Variants in CIITA observed in about 807,000 individuals in gnomAD.
The protein encoded by CIITA is class II major histocompatibility complex transactivator, also known as MHC class II transactivator.
A neutral mutation model predicts 115.1 loss-of-function variants in CIITA; 72 were observed. The ratio of observed to expected loss-of-function variants is 0.63; its 90% CI spans 0.52 to 0.76. The LOEUF (loss-of-function observed/expected upper bound fraction) is 0.76, where lower values mean the gene tolerates loss of function less well. Ranked by LOEUF, CIITA falls within the 30% of genes least tolerant of loss-of-function variation. CIITA has a pLI of 0.00. For synonymous variants in CIITA, 763 were observed against 635.6 expected (o/e 1.20, Z -3.02); for missense variants, 1,617 against 1,463.8 (o/e 1.10, Z -1.71).
chr16:10,890,621 C>G (rs759508712), intron 1 of CIITA, among the ~76,000 whole-genome samples: 3 of 152,168 alleles, frequency 2.0e-5, no homozygotes, highest in Non-Finnish European at 4.4e-5. Context: ...ATGAAGTCTG[C>G]AGGGTCCCCT....
Position 10,907,835 on chromosome 16 carries a change from G to T in CIITA, c.2343G>T (p.Ser781=). 1.2e-6 allele frequency: 2 copies of T among 1,613,636 alleles called. No individual in the cohort carries two copies. Among genetic ancestry groups the T allele is most frequent in the East Asian group, 2.2e-5 (1 of 44,876 alleles). ...GALLGPSAAA[S]VDRKQKVLAR... ...TACTCGGGCCATCGGCGGCTGCCTC[G>T]GTGGACAGGAAGCAGAAGGTGCTTG... is the stretch of plus-strand genomic sequence containing the variant. The change falls in exon 11 of 20, where the codon TCG becomes TCT. Residue 781 remains serine, a synonymous_variant. Transcript: ENST00000324288. The surrounding 1 kb of genome is among the most constrained non-coding windows in gnomAD (Gnocchi z 5.0).
intron 1 of CIITA, among the ~76,000 whole-genome samples, chr16:10,894,599 A>G (rs868492834): frequency 3.3e-4 from 51 of 152,370 alleles, no homozygotes; most frequent in Middle Eastern, 6.8e-3. Context: ...TAAAGATTAA[A>G]TGAAATAGTG....
chr16:10,876,274 C>G (rs1003002835), upstream of CIITA, among the ~76,000 whole-genome samples: 1 of 152,198 alleles, frequency 6.6e-6, no homozygotes, highest in Admixed American at 6.5e-5. Flanking sequence ...TTCGGCCTCC[C>G]AAAATGTTGG....
In CIITA at chr16:10,879,194, C is replaced by G. The variant is rs2036152111; in HGVS notation, c.52+1812C>G. 6.6e-6 allele frequency among the ~76,000 whole-genome samples: 1 copy of G among 152,154 alleles called. No homozygotes were observed. The highest frequency in any genetic ancestry group is 2.4e-5 in the African/African-American group (1 of 41,414). ...TGTAGGGCCGGGAAACACCTCGTTT[C>G]CAGCATCCCCGCAACGACTCTGCGC... On this transcript the variant is annotated intron_variant, in intron 1 of 19. Coordinates refer to ENST00000324288, the MANE Select transcript of CIITA (RefSeq NM_000246.4). This position sits in a 1 kb window ranked among gnomAD's most constrained non-coding sequence, Gnocchi z 4.3.
rs142510943 is a variant in CIITA, at chr16:10,922,549, G to T, written c.3317+59G>T. 2.2e-4 allele frequency: 347 copies of T among 1,559,666 alleles called. 1 individual carries two copies. The African/African-American group carries it at 4.3e-3, about 19-fold the overall frequency. On this transcript the variant is annotated intron_variant, in intron 18 of 19. Coordinates refer to ENST00000324288, the MANE Select transcript of CIITA (RefSeq NM_000246.4). Reference sequence around the variant, plus strand: ...ACTCACTCCCCAGGCGTGTGGCCCAGTGTGACCCCGGAGCTCAAATCATGC... The same window carrying T: ...ACTCACTCCCCAGGCGTGTGGCCCATTGTGACCCCGGAGCTCAAATCATGC...
chr16:10,938,211 C>T (rs1046478037), downstream of CIITA: 3 of 152,086 alleles, frequency 2.0e-5, no homozygotes, highest in Non-Finnish European at 4.4e-5. This position sits in a 1 kb window ranked among gnomAD's most constrained non-coding sequence, Gnocchi z 4.9. Flanking sequence ...GAAGAGGAAA[C>T]CAAAGTACAG....
chr16:10,903,697 G>C (rs773557876), intron 8 of CIITA, 34 bp from the exon 9 acceptor site: 1 of 1,613,388 alleles, frequency 6.2e-7, no homozygotes, highest in Non-Finnish European at 8.5e-7. Flanking sequence ...TCAATACCTG[G>C]TTATTCTCAC....
Position 10,867,976 on chromosome 16 carries a change from G to A in CIITA, c.-21+1657G>A, listed in dbSNP as rs113306116. ...GAGGTCTCACTATGTTGACCAGGCT[G>A]CTTGCGAACCCCTGAGCTCAAGCGA... On this transcript the variant is annotated intron_variant, in intron 1 of 5. Coordinates refer to the CIITA transcript ENST00000636238. Among the ~76,000 whole-genome samples, 828 of 152,092 alleles carry A rather than the reference G, an allele frequency of 5.4e-3. 8 individuals are homozygous for A. The highest frequency in any genetic ancestry group is 0.019 in the African/African-American group (782 of 41,484).
In CIITA at chr16:10,904,618, T is replaced by C; in HGVS notation, c.938-126T>C. The stretch of plus-strand genomic sequence containing the variant: ...TGAGTTAGATACAGCCTCAGGCCGC[T>C]ATCTTATAACCTCCATCTTGGGAAA... On this transcript the variant is annotated intron_variant, in intron 9 of 19. Coordinates refer to ENST00000324288, the MANE Select transcript of CIITA (RefSeq NM_000246.4). 5.4e-6 allele frequency: 5 copies of C among 929,640 alleles called. No individual in the cohort carries two copies. In the Middle Eastern group the frequency reaches 6.5e-4, roughly 121 times the overall value. The allele number at this position is 929,640 out of a possible 1,614,324, so 57.6% of individuals were successfully genotyped here.
chr16:10,941,827 G>A lies in CIITA; in HGVS notation n.953G>A. Reference sequence around the variant, plus strand: ...CACGAGCGCCTGGTCCATGTCCTCGGGCAGGAAGACGAGGCCCACGTTGAG... The same window carrying A: ...CACGAGCGCCTGGTCCATGTCCTCGAGCAGGAAGACGAGGCCCACGTTGAG... On this transcript the variant is annotated non_coding_transcript_exon_variant, in exon 2 of 2. Transcript: ENST00000573379. This position sits in a 1 kb window ranked among gnomAD's most constrained non-coding sequence, Gnocchi z 6.4. The A allele has an allele frequency of 6.2e-7, 1 of 1,613,484 alleles. No individual in the cohort carries two copies. Among genetic ancestry groups the A allele is most frequent in the Non-Finnish European group, 8.5e-7 (1 of 1,179,872 alleles).
intron 5 of CIITA, among the ~76,000 whole-genome samples, chr16:10,900,819 C>T (rs1260639504): frequency 6.6e-6 from 1 of 152,002 alleles, no homozygotes; most frequent in East Asian, 1.9e-4. Context: ...CACCATGTAC[C>T]ATTTTGATTC....
chr16:10,906,575 G>A lies in CIITA; in HGVS notation c.1083G>A (p.Val361=), dbSNP rs2144695629. The change falls in exon 11 of 20, where the codon GTG becomes GTA. Residue 361 remains valine (V), a synonymous_variant. Transcript: ENST00000324288. ...CCGCAGGCCCGGATGGCATCCTAGTGGAGGTGGATCTGGTGCAGGCCAGGC... is the reference window on the plus strand; with the variant it reads ...CCGCAGGCCCGGATGGCATCCTAGTAGAGGTGGATCTGGTGCAGGCCAGGC... ...AEPAGPDGIL[V]EVDLVQARLE... 1 of 1,613,546 alleles carries A rather than the reference G, an allele frequency of 6.2e-7. No individual in the cohort carries two copies.
rs765503817 is a variant in CIITA at position 10,922,189 on chromosome 16, G to A, written c.3172G>A (p.Asp1058Asn). The change falls in exon 17 of 20, where the codon GAC becomes AAC. Residue 1058 changes from aspartate (D) to asparagine (N), a missense_variant. By Grantham distance (23) the Asp-to-Asn change is conservative. Coordinates refer to ENST00000324288, the MANE Select transcript of CIITA (RefSeq NM_000246.4). Reference protein sequence around the residue: ...RLSLYNNCICDVGAESLARVL... With the variant: ...RLSLYNNCICNVGAESLARVL... ...CAGCTTGTACAATAACTGCATCTGCGACGTGGGAGCCGAGAGCTTGGCTCG... is the reference window on the plus strand; with the variant it reads ...CAGCTTGTACAATAACTGCATCTGCAACGTGGGAGCCGAGAGCTTGGCTCG... 5 of 1,614,226 alleles carry A rather than the reference G, an allele frequency of 3.1e-6. No individual in the cohort carries two copies. The highest frequency in any genetic ancestry group is 1.1e-5 in the South Asian group (1 of 91,082).
Position 10,902,148 on chromosome 16 carries a change from G to C in CIITA, c.592G>C (p.Gly198Arg). Residue 198 changes from glycine to arginine, a missense_variant, in exon 7 of 20, where the codon GGC becomes CGC. Transcript: ENST00000324288. ...PALFNQEPAS[G>R]QMRLEKTDQI... ...GCTGTTCAACCAGGAGCCAGCCTCC[G>C]GCCAGATGCGCCTGGAGAAAACCGA... is the stretch of plus-strand genomic sequence containing the variant. The C allele has an allele frequency of 6.2e-7, 1 of 1,614,132 alleles. No individual in the cohort carries two copies. The highest frequency in any genetic ancestry group is 8.5e-7 in the Non-Finnish European group (1 of 1,180,014).
chr16:10,891,803 A>G (rs931345311), intron 1 of CIITA, among the ~76,000 whole-genome samples: 2 of 152,176 alleles, frequency 1.3e-5, no homozygotes, highest in African/African-American at 4.8e-5. Flanking sequence ...TGCTCCAGGA[A>G]AAGGGCGGTG....
chr16:10,890,765 C>G (rs943167252), intron 1 of CIITA, among the ~76,000 whole-genome samples: 3 of 152,220 alleles, frequency 2.0e-5, no homozygotes, highest in Non-Finnish European at 4.4e-5. Flanking sequence ...ATTATACTCA[C>G]CATGTAGAAG....
At chr16:10,905,451 G>A (rs943883149) in intron 10 of CIITA, among the ~76,000 whole-genome samples, 3 of 152,182 alleles carry the variant, frequency 2.0e-5, no homozygotes, top group African/African-American at 7.2e-5. Flanking sequence ...AAAAAGCTTA[G>A]TGAGTAAATG....
chr16:10,882,583 A>G (rs1167546842), intron 1 of CIITA, among the ~76,000 whole-genome samples: 1 of 152,010 alleles, frequency 6.6e-6, no homozygotes, highest in Non-Finnish European at 1.5e-5. Flanking sequence ...TATATAAATT[A>G]ATAAAAATAA....
chr16:10,908,164 T>G lies in CIITA; in HGVS notation c.2657+15T>G. 2 of 1,553,594 alleles carry G rather than the reference T, an allele frequency of 1.3e-6. No homozygotes were observed. The highest frequency in any genetic ancestry group is 1.7e-6 in the Non-Finnish European group (2 of 1,148,356). On this transcript the variant is annotated intron_variant, in intron 11 of 19. Coordinates refer to ENST00000324288, the MANE Select transcript of CIITA (RefSeq NM_000246.4). ...ACCCGTTTCAGGTGGGGTGAGGGGC[T>G]TGGGGAAGAGACATCCTTGTGTTGG... is the stretch of plus-strand genomic sequence containing the variant.
Sources: gnomAD v4.1 joint callset for allele counts (sites outside exome capture counted in the v4.1 genomes callset) on GRCh38, gnomAD v4.1.1 for gene constraint, Gnocchi (gnomAD v3.1) non-coding constraint, MANE v1.5 for transcripts, NCBI Gene and HGNC (gene_info 2026-07-23, HGNC 2026-07-21) for gene names.